ADAMTS18: variants seen among roughly 807,000 people sequenced by gnomAD.
ADAMTS18 encodes ADAM metallopeptidase with thrombospondin type 1 motif 18.
A neutral mutation model predicts 165.9 loss-of-function variants in ADAMTS18; 157 were observed. The observed-to-expected ratio is 0.95, with a 90% CI of 0.83 to 1.08. ADAMTS18 has a LOEUF of 1.08. Ranked by LOEUF, ADAMTS18 falls within the 50% of genes least tolerant of loss-of-function variation. The probability of loss-of-function intolerance (pLI) is 0.00; values close to 1 mark genes in which losing one functional copy is unlikely to be tolerated. For missense variants in ADAMTS18, 2,040 were observed against 1,534.0 expected (o/e 1.33, Z -5.51); for synonymous variants, 782 against 578.2 (o/e 1.35, Z -5.06).
At chr16:77,414,422 T>C (rs1477616705) in intron 3 of ADAMTS18, among the ~76,000 whole-genome samples, 1 of 152,222 alleles carries the variant, frequency 6.6e-6, no homozygotes, top group Non-Finnish European at 1.5e-5. Flanking sequence ...AAAATAAAAG[T>C]ATTTCATTAA....
chr16:77,357,061 T>C (rs2056642380), intron 8 of ADAMTS18, among the ~76,000 whole-genome samples: 1 of 151,546 alleles, frequency 6.6e-6, no homozygotes, highest in South Asian at 2.1e-4. Flanking sequence ...TTAATTTAAA[T>C]TGTTCTTAAT....
intron 8 of ADAMTS18, 94 bp from the exon 9 acceptor site, chr16:77,356,171 A>C: frequency 6.6e-7 from 1 of 1,516,380 alleles, no homozygotes; most frequent in Non-Finnish European, 9.1e-7. Flanking sequence ...GATCATCAAC[A>C]AAACCAAGTG....
intron 10 of ADAMTS18, among the ~76,000 whole-genome samples, chr16:77,350,307 A>G (rs2056537575): frequency 6.6e-6 from 1 of 152,106 alleles, no homozygotes. Flanking sequence ...GGAGGGGAGG[A>G]TGGGGATGAG....
chr16:77,431,725 G>T, intron 2 of ADAMTS18, 114 bp from the exon 3 acceptor site: 2 of 1,077,480 alleles, frequency 1.9e-6, no homozygotes, highest in East Asian at 2.4e-5. Context: ...TGTTCCTATT[G>T]CCTTGCACCT....
intron 22 of ADAMTS18, among the ~76,000 whole-genome samples, chr16:77,288,049 C>A (rs4887902): frequency 0.92 from 140,627 of 152,122 alleles, 65,775 homozygotes; most frequent in Non-Finnish European, 0.99. Context: ...TCATGTAGCC[C>A]TACACTCATG....
At chr16:77,298,229 C>T (rs1292892408) in intron 17 of ADAMTS18, among the ~76,000 whole-genome samples, 2 of 152,070 alleles carry the variant, frequency 1.3e-5, no homozygotes, top group Non-Finnish European at 2.9e-5. Context: ...GCTTTTGCTT[C>T]CTTAGTGGCA....
At chr16:77,313,761 C>A (rs1035351865) in intron 16 of ADAMTS18, among the ~76,000 whole-genome samples, 1 of 152,078 alleles carries the variant, frequency 6.6e-6, no homozygotes. Flanking sequence ...GATCGAAGGC[C>A]TCTTGGCAAA....
intron 12 of ADAMTS18, among the ~76,000 whole-genome samples, chr16:77,327,549 C>G (rs897378134): frequency 6.6e-6 from 1 of 152,182 alleles, no homozygotes; most frequent in Admixed American, 6.5e-5. Flanking sequence ...AGACCATGGA[C>G]TACTACCCAG....
intron 3 of ADAMTS18, among the ~76,000 whole-genome samples, chr16:77,407,492 C>T (rs1003931937): frequency 1.1e-4 from 17 of 152,044 alleles, no homozygotes; most frequent in African/African-American, 3.6e-4. Flanking sequence ...AATATAGTCA[C>T]GACAATCCAA....
intron 12 of ADAMTS18, among the ~76,000 whole-genome samples, chr16:77,333,297 G>A (rs1044060693): frequency 1.3e-5 from 2 of 151,916 alleles, no homozygotes; most frequent in African/African-American, 4.8e-5. Flanking sequence ...TCACACTAGG[G>A]CCTGTCGCAT....
chr16:77,433,559 T>C (rs2057764017), intron 2 of ADAMTS18: 1 of 152,278 alleles, frequency 6.6e-6, no homozygotes, highest in Non-Finnish European at 1.5e-5. Flanking sequence ...GGGGTGGTTT[T>C]AGAAACTGCA....
In ADAMTS18 at chr16:77,411,394, G is replaced by C. The variant is rs192036106; in HGVS notation, c.495+19901C>G. 5.5e-3 allele frequency among the ~76,000 whole-genome samples: 838 copies of C among 152,264 alleles called. 1 individual carries two copies. Among genetic ancestry groups the C allele is most frequent in the Non-Finnish European group, 8.6e-3 (582 of 68,010 alleles). On this transcript the variant is annotated intron_variant, in intron 3 of 22. Transcript: ENST00000282849. ...CATATTGCTTTCTGGATACTCTCTGGTTGGACCTGCTTGGCGCTTGAGACA... is the reference window on the plus strand; with the variant it reads ...CATATTGCTTTCTGGATACTCTCTGCTTGGACCTGCTTGGCGCTTGAGACA...
In ADAMTS18 at chr16:77,284,081, GA is replaced by G; in HGVS notation, c.3551-11del. 1 of 1,552,522 alleles carries G rather than the reference GA, an allele frequency of 6.4e-7. No homozygotes were observed. The highest frequency in any genetic ancestry group is 8.9e-7 in the Non-Finnish European group (1 of 1,125,290). On this transcript the variant is annotated splice_polypyrimidine_tract_variant and intron_variant, in intron 22 of 22. Coordinates refer to ENST00000282849, the MANE Select transcript of ADAMTS18 (RefSeq NM_199355.4). ...ACGCAGGATGGATCCTCTAAAATAA[GA>G]AAATATATTTAGCATGTTGGCTAGG...
rs980078691 is a variant in ADAMTS18 at position 77,325,853 on chromosome 16, G to A, written c.2032+13C>T. The A allele has an allele frequency of 6.2e-7, 1 of 1,610,050 alleles. No individual in the cohort carries two copies. The highest frequency in any genetic ancestry group is 8.5e-7 in the Non-Finnish European group (1 of 1,176,794). ...CATAGAGACTTATTTGAATGTCATA[G>A]AGACCAAATTACCTTCCACTTTTGT... On this transcript the variant is annotated intron_variant, in intron 13 of 22. Transcript: ENST00000282849.
At chr16:77,356,800 T>C (rs149578653) in intron 8 of ADAMTS18, among the ~76,000 whole-genome samples, 117 of 152,230 alleles carry the variant, frequency 7.7e-4, no homozygotes, top group African/African-American at 2.6e-3. Flanking sequence ...ATGCACATTA[T>C]ACCTGAAGAA....
At position 77,295,037 on chromosome 16, in the gene ADAMTS18, G is replaced by A; in HGVS notation, c.2892C>T (p.Phe964=). 1 of 1,614,150 alleles carries A rather than the reference G, an allele frequency of 6.2e-7. No homozygotes were observed. The highest frequency in any genetic ancestry group is 8.5e-7 in the Non-Finnish European group (1 of 1,180,020). The change falls in exon 19 of 23, where the codon TTC becomes TTT. Residue 964 remains phenylalanine (F), a synonymous_variant. Coordinates refer to ENST00000282849, the MANE Select transcript of ADAMTS18 (RefSeq NM_199355.4). ...AATGCAACACTGCTTCCTCCTTTTG[G>A]AAGGGCTTCTTTTGCACACACTGGA... is the stretch of plus-strand genomic sequence containing the variant. The part of the protein sequence containing the change: ...RKIQCVQKKP[F]QKEEAVLHSL...
chr16:77,424,220 G>T, intron 3 of ADAMTS18, among the ~76,000 whole-genome samples: 1 of 152,304 alleles, frequency 6.6e-6, no homozygotes, highest in South Asian at 2.1e-4. Context: ...TGTAATCCCA[G>T]CACTTTGGGA....
At chr16:77,325,807 G>A (rs2056084281) in intron 13 of ADAMTS18, 59 bp downstream of exon 13, 2 of 1,522,350 alleles carry the variant, frequency 1.3e-6, no homozygotes, top group Non-Finnish European at 1.8e-6. Flanking sequence ...CTTCTGTATT[G>A]GTCAATCACA....
At chr16:77,301,757 C>CTGATTCT (rs1477706370) in intron 16 of ADAMTS18, among the ~76,000 whole-genome samples, 1 of 141,808 alleles carries the variant, frequency 7.1e-6, no homozygotes, top group Non-Finnish European at 1.6e-5. Context: ...AGTATTATGA[C>CTGATTCT]TAACTCTTAA....
Sources: allele counts gnomAD v4.1 joint callset (sites outside exome capture counted in the v4.1 genomes callset), GRCh38; gene constraint gnomAD v4.1.1; transcripts MANE v1.5; gene names NCBI Gene and HGNC (gene_info 2026-07-23, HGNC 2026-07-21).